DTWD2: variants seen among roughly 807,000 people sequenced by gnomAD.
The protein encoded by DTWD2 is DTW motif tRNA-uridine aminocarboxypropyltransferase 2.
In DTWD2, 39 loss-of-function variants were observed where a neutral mutation model predicts 31.8. That is an observed-to-expected ratio of 1.22 (90% CI 0.95 to 1.60). The LOEUF is 1.60. DTWD2 is among the 40% of genes most tolerant of loss of function. DTWD2 has a pLI of 0.00. For synonymous variants in DTWD2, 180 were observed against 142.8 expected (o/e 1.26, Z -1.86); for missense variants, 515 against 381.5 (o/e 1.35, Z -2.92).
At chr5:118,947,801 CAATT>C (rs2149587490) in intron 1 of DTWD2, among the ~76,000 whole-genome samples, 1 of 152,220 alleles carries the variant, frequency 6.6e-6, no homozygotes, top group South Asian at 2.1e-4. Context: ...CATACTCAAC[CAATT>C]TTAACCTTTT....
intron 1 of DTWD2, among the ~76,000 whole-genome samples, chr5:118,945,486 T>A (rs1754310953): frequency 6.6e-6 from 1 of 152,068 alleles, no homozygotes; most frequent in Non-Finnish European, 1.5e-5. Flanking sequence ...AATTCATGAC[T>A]AGGCACGGTG....
At chr5:118,851,770 C>T (rs1251197148) in intron 4 of DTWD2, among the ~76,000 whole-genome samples, 5 of 149,874 alleles carry the variant, frequency 3.3e-5, no homozygotes, top group South Asian at 2.1e-4. Flanking sequence ...AGCACACCAA[C>T]ATGGCACATG....
At chr5:118,894,678 C>G (rs976057808) in intron 4 of DTWD2, among the ~76,000 whole-genome samples, 1 of 152,134 alleles carries the variant, frequency 6.6e-6, no homozygotes. Flanking sequence ...TTACCATGAT[C>G]AAGTGGGATT....
chr5:118,851,350 G>T lies in DTWD2; in HGVS notation c.598-3132C>A, dbSNP rs1752000012. On this transcript the variant is annotated intron_variant, in intron 4 of 5. Transcript: ENST00000510708. ...ATAAAGAGAAAGAGTACAAAGAGAG[G>T]AATTTTACATCTGGGCCGCCGGGGG... Among the ~76,000 whole-genome samples the T allele has an allele frequency of 1.1e-4, 16 of 152,092 alleles. No individual in the cohort carries two copies. In the South Asian group the frequency reaches 3.3e-3, roughly 32 times the overall value.
chr5:118,956,506 C>T (rs1754590800), intron 1 of DTWD2, among the ~76,000 whole-genome samples: 1 of 152,210 alleles, frequency 6.6e-6, no homozygotes. Flanking sequence ...CTATCTCTGA[C>T]AGCCTGTGGG....
chr5:118,861,875 T>A (rs1410897664), intron 4 of DTWD2, among the ~76,000 whole-genome samples: 1 of 152,122 alleles, frequency 6.6e-6, no homozygotes, highest in Non-Finnish European at 1.5e-5. Flanking sequence ...GAGGTAACAT[T>A]TGAGCTGAGA....
At chr5:118,923,760 G>A (rs886340689) in intron 4 of DTWD2, among the ~76,000 whole-genome samples, 1 of 152,072 alleles carries the variant, frequency 6.6e-6, no homozygotes, top group African/African-American at 2.4e-5. Flanking sequence ...TTTCTCTGAG[G>A]AGGCAAGGAC....
chr5:118,942,283 G>A (rs1265183068), intron 2 of DTWD2, among the ~76,000 whole-genome samples: 3 of 152,266 alleles, frequency 2.0e-5, no homozygotes, highest in South Asian at 4.1e-4. Context: ...GCAGAGGTTG[G>A]AGGATAACTT....
intron 1 of DTWD2, among the ~76,000 whole-genome samples, chr5:118,948,549 G>GC (rs1754390458): frequency 6.6e-6 from 1 of 152,134 alleles, no homozygotes; most frequent in Admixed American, 6.5e-5. Flanking sequence ...ATGGGGAAAT[G>GC]GAGTGAATGC....
intron 1 of DTWD2, among the ~76,000 whole-genome samples, chr5:118,972,986 C>T (rs375467774): frequency 3.3e-5 from 5 of 152,020 alleles, no homozygotes; most frequent in African/African-American, 1.2e-4. Flanking sequence ...TTATGTAATG[C>T]CCTTCTTTGT....
chr5:118,988,453 G>T lies in DTWD2; in HGVS notation c.59C>A (p.Ala20Asp). Residue 20 changes from alanine (A) to aspartate (D), a missense_variant, in exon 1 of 6, where the codon GCC becomes GAC. By Grantham distance (126) the Ala-to-Asp change is moderately radical. Coordinates refer to ENST00000510708, the MANE Select transcript of DTWD2 (RefSeq NM_173666.4). Reference sequence around the variant, plus strand: ...GTCGTTCGGCGTCTGAGAGCTTGAGGCCCCAGAAGGCCGCGCAACGGGCTC... The same window carrying T: ...GTCGTTCGGCGTCTGAGAGCTTGAGTCCCCAGAAGGCCGCGCAACGGGCTC... ...LQEPVARPSGASSSQTPNDKE... is the reference protein window; with the variant it reads ...LQEPVARPSGDSSSQTPNDKE... 6.2e-7 allele frequency: 1 copy of T among 1,606,148 alleles called. No homozygotes were observed.
intron 3 of DTWD2, among the ~76,000 whole-genome samples, chr5:118,931,295 G>A (rs1215810512): frequency 1.3e-5 from 2 of 151,490 alleles, no homozygotes; most frequent in African/African-American, 2.4e-5. Flanking sequence ...CTCGGGAAGC[G>A]GAGGCAGGAG....
At chr5:118,864,353 G>C (rs1210549543) in intron 4 of DTWD2, among the ~76,000 whole-genome samples, 1 of 151,240 alleles carries the variant, frequency 6.6e-6, no homozygotes, top group Non-Finnish European at 1.5e-5. Flanking sequence ...ACACAGGAAG[G>C]GGAACATCAC....
intron 4 of DTWD2, among the ~76,000 whole-genome samples, chr5:118,908,548 T>C (rs1054260660): frequency 1.3e-5 from 2 of 150,926 alleles, no homozygotes; most frequent in Non-Finnish European, 2.9e-5. Context: ...CTAGAATAAA[T>C]AACAAATGAG....
chr5:118,970,214 G>A (rs1169921309), intron 1 of DTWD2, among the ~76,000 whole-genome samples: 2 of 152,184 alleles, frequency 1.3e-5, no homozygotes, highest in African/African-American at 4.8e-5. Flanking sequence ...ATCACCTGAG[G>A]TCAGGAGTTC....
intron 4 of DTWD2, among the ~76,000 whole-genome samples, chr5:118,916,201 CAA>C (rs1356702130): frequency 1.3e-5 from 2 of 152,196 alleles, no homozygotes; most frequent in African/African-American, 4.8e-5. Flanking sequence ...ATAAAAATGA[CAA>C]CTCTGTTGCC....
chr5:118,985,109 C>T (rs903536305), intron 1 of DTWD2, among the ~76,000 whole-genome samples: 1 of 152,050 alleles, frequency 6.6e-6, no homozygotes, highest in Non-Finnish European at 1.5e-5. Flanking sequence ...CCACTAATCT[C>T]TGCAGCCTCG....
intron 4 of DTWD2, among the ~76,000 whole-genome samples, chr5:118,897,754 A>G (rs770313610): frequency 1.3e-5 from 2 of 152,256 alleles, no homozygotes; most frequent in Non-Finnish European, 2.9e-5. Context: ...TCAGAAAATT[A>G]AATTAAAAGT....
At chr5:118,918,167 G>C (rs568336316) in intron 4 of DTWD2, among the ~76,000 whole-genome samples, 2 of 152,282 alleles carry the variant, frequency 1.3e-5, no homozygotes, top group Admixed American at 6.5e-5. Context: ...AGATGCAGCA[G>C]AGAAGTCAGA....
Sources: gnomAD v4.1 joint callset for allele counts (sites outside exome capture counted in the v4.1 genomes callset) on GRCh38, gnomAD v4.1.1 for gene constraint, MANE v1.5 for transcripts, NCBI Gene and HGNC (gene_info 2026-07-23, HGNC 2026-07-21) for gene names.